The following OSBPL9 variants were observed in gnomAD, a reference collection of about 807,000 sequenced individuals.
OSBPL9 encodes the protein oxysterol binding protein like 9.
A neutral mutation model predicts 106.6 loss-of-function variants in OSBPL9; 40 were observed. The observed-to-expected ratio is 0.38, with a 90% CI of 0.29 to 0.49. The LOEUF (loss-of-function observed/expected upper bound fraction) is 0.49. Among genes scored for constraint, OSBPL9 ranks in the 20% least tolerant of loss-of-function variants. The probability of loss-of-function intolerance (pLI) is 0.97; values close to 1 mark genes in which losing one functional copy is unlikely to be tolerated. For missense variants in OSBPL9, 609 were observed against 887.2 expected (o/e 0.69, Z 3.98); for synonymous variants, 269 against 295.4 (o/e 0.91, Z 0.92).
At chr1:51,577,562 C>G (rs1416914582) in intron 1 of OSBPL9, among the ~76,000 whole-genome samples, 1 of 151,992 alleles carries the variant, frequency 6.6e-6, no homozygotes, top group East Asian at 1.9e-4. Flanking sequence ...CGTGAGCCAC[C>G]ACTCCCGGCC....
At chr1:51,545,310 T>A in the OSBPL9 span, among the ~76,000 whole-genome samples, 44 of 152,270 alleles carry the variant, frequency 2.9e-4, no homozygotes, top group Non-Finnish European at 5.4e-4. Flanking sequence ...AATACATAGA[T>A]ACAACAGGCA....
intron 2 of OSBPL9, among the ~76,000 whole-genome samples, chr1:51,657,348 G>A (rs1490903549): frequency 6.6e-6 from 1 of 152,200 alleles, no homozygotes; most frequent in African/African-American, 2.4e-5. Flanking sequence ...CAGATCAGGT[G>A]CTGTGCTGGA....
At chr1:51,714,199 G>T in intron 4 of OSBPL9, 120 bp downstream of exon 4, 2 of 654,800 alleles carry the variant, frequency 3.1e-6, no homozygotes, top group South Asian at 2.8e-5. Flanking sequence ...TATAATTTCT[G>T]AGTTGCTTAT....
At chr1:51,673,464 G>C (rs1481473129) in intron 3 of OSBPL9, among the ~76,000 whole-genome samples, 4 of 152,178 alleles carry the variant, frequency 2.6e-5, no homozygotes. Flanking sequence ...CTATGTTGTT[G>C]GCAGTGATTC....
At chr1:51,704,136 T>A (rs1415414986) in intron 3 of OSBPL9, among the ~76,000 whole-genome samples, 1 of 152,232 alleles carries the variant, frequency 6.6e-6, no homozygotes, top group Non-Finnish European at 1.5e-5. Context: ...GGTATCAGGA[T>A]GATGCTGGCC....
At chr1:51,696,621 A>T (rs759892454) in intron 3 of OSBPL9, among the ~76,000 whole-genome samples, 4 of 152,110 alleles carry the variant, frequency 2.6e-5, no homozygotes, top group Non-Finnish European at 4.4e-5. Flanking sequence ...CTTTAATGAG[A>T]TTTTGCTCTA....
intron 8 of OSBPL9, among the ~76,000 whole-genome samples, chr1:51,755,149 C>G (rs752176369): frequency 3.3e-5 from 5 of 152,072 alleles, no homozygotes; most frequent in Non-Finnish European, 5.9e-5. Flanking sequence ...GCCACCCAGT[C>G]TATGGTATTT....
chr1:51,607,065 A>C (rs1432054247), intron 2 of OSBPL9, among the ~76,000 whole-genome samples: 1 of 152,062 alleles, frequency 6.6e-6, no homozygotes, highest in Non-Finnish European at 1.5e-5. Context: ...AAAAGAAAAA[A>C]AGAAAAAATT....
chr1:51,649,946 C>T (rs1646412626), intron 1 of OSBPL9, among the ~76,000 whole-genome samples: 1 of 152,008 alleles, frequency 6.6e-6, no homozygotes, highest in Non-Finnish European at 1.5e-5. Flanking sequence ...GTGGTCATGG[C>T]TCACTGCAGC....
chr1:51,542,541 C>T, the OSBPL9 span, among the ~76,000 whole-genome samples: 2 of 152,164 alleles, frequency 1.3e-5, no homozygotes, highest in East Asian at 1.9e-4. Context: ...AGGCAGCACT[C>T]GATAGGTAGG....
At chr1:51,634,514 C>T (rs527854977) in intron 1 of OSBPL9, among the ~76,000 whole-genome samples, 22 of 152,238 alleles carry the variant, frequency 1.4e-4, no homozygotes, top group African/African-American at 3.6e-4. Flanking sequence ...AGTTGACAGT[C>T]GCCAGATTAA....
intron 1 of OSBPL9, among the ~76,000 whole-genome samples, chr1:51,622,555 A>G (rs996465719): frequency 6.6e-6 from 1 of 152,222 alleles, no homozygotes; most frequent in African/African-American, 2.4e-5. Flanking sequence ...CCAGTGCTGC[A>G]GTCATCTGAA....
intron 2 of OSBPL9, among the ~76,000 whole-genome samples, chr1:51,655,135 T>G (rs1458345772): frequency 3.9e-5 from 6 of 152,130 alleles, no homozygotes; most frequent in Non-Finnish European, 8.8e-5. Context: ...TTTCACAGTT[T>G]TATAGGTCAG....
intron 4 of OSBPL9, among the ~76,000 whole-genome samples, chr1:51,740,401 A>G (rs916903934): frequency 1.3e-5 from 2 of 151,994 alleles, no homozygotes; most frequent in Non-Finnish European, 2.9e-5. Context: ...TAATTAAAAA[A>G]AAATGTCTGC....
At chr1:51,677,546 A>G (rs976438885) in intron 3 of OSBPL9, among the ~76,000 whole-genome samples, 3 of 152,044 alleles carry the variant, frequency 2.0e-5, no homozygotes, top group African/African-American at 4.8e-5. Flanking sequence ...GACTTTACGG[A>G]AAACTTTTTT....
intron 10 of OSBPL9, among the ~76,000 whole-genome samples, chr1:51,761,035 A>G (rs1671372741): frequency 6.6e-6 from 1 of 152,204 alleles, no homozygotes; most frequent in South Asian, 2.1e-4. Context: ...TACGATTTGG[A>G]TTCACTGGTA....
intron 1 of OSBPL9, among the ~76,000 whole-genome samples, chr1:51,597,414 T>C (rs776629088): frequency 1.1e-4 from 10 of 94,882 alleles, no homozygotes; most frequent in South Asian, 4.5e-4. Flanking sequence ...TGTGTGTATA[T>C]ATATATATAT....
intron 1 of OSBPL9, among the ~76,000 whole-genome samples, chr1:51,632,241 G>A (rs573287978): frequency 4.6e-5 from 7 of 152,068 alleles, no homozygotes; most frequent in Non-Finnish European, 7.4e-5. Context: ...TATTTTATAC[G>A]TCTGGCAGCA....
the OSBPL9 span, among the ~76,000 whole-genome samples, chr1:51,522,303 C>T: frequency 6.6e-6 from 1 of 152,190 alleles, no homozygotes; most frequent in African/African-American, 2.4e-5. Context: ...CAAGGGAAGA[C>T]TTGCTTAAAA....
Sources: allele counts gnomAD v4.1 joint callset (sites outside exome capture counted in the v4.1 genomes callset), GRCh38; gene constraint gnomAD v4.1.1; transcripts MANE v1.5; gene names NCBI Gene and HGNC (gene_info 2026-07-23, HGNC 2026-07-21).